PRR16: variants seen among roughly 807,000 people sequenced by gnomAD.
The protein encoded by PRR16 is proline rich 16, also known as protein Largen.
In PRR16, 6 loss-of-function variants were observed where a neutral mutation model predicts 18.2. That is an observed-to-expected ratio of 0.33 (90% CI 0.18 to 0.65). The LOEUF (loss-of-function observed/expected upper bound fraction) is 0.65. Among genes scored for constraint, PRR16 ranks in the 30% least tolerant of loss-of-function variants. PRR16 has a pLI of 0.74. For missense variants in PRR16, 412 were observed against 376.6 expected, an observed-to-expected ratio of 1.09 and a Z score of -0.78; for synonymous variants, 151 against 147.8, an observed-to-expected ratio of 1.02 and a Z score of -0.16.
chr5:120,620,596 T>G (rs988243429), intron 1 of PRR16, among the ~76,000 whole-genome samples: 1 of 152,172 alleles, frequency 6.6e-6, no homozygotes, highest in Non-Finnish European at 1.5e-5. Flanking sequence ...AAATGTTGTC[T>G]GTCAAGGTTC....
intron 1 of PRR16, among the ~76,000 whole-genome samples, chr5:120,588,770 T>C (rs1030292192): frequency 2.6e-4 from 40 of 152,134 alleles, no homozygotes; most frequent in Non-Finnish European, 1.0e-4. Flanking sequence ...TAATTCATCA[T>C]TGAATGTAGA....
intron 1 of PRR16, among the ~76,000 whole-genome samples, chr5:120,631,146 C>A (rs1174803653): frequency 6.6e-6 from 1 of 152,072 alleles, no homozygotes; most frequent in Non-Finnish European, 1.5e-5. Context: ...ATAGAGACAT[C>A]CTTATCATTA....
chr5:120,655,557 A>T (rs1432925123), intron 1 of PRR16, among the ~76,000 whole-genome samples: 1 of 151,820 alleles, frequency 6.6e-6, no homozygotes, highest in Non-Finnish European at 1.5e-5. Flanking sequence ...AACCAAATTT[A>T]GTGCTTCATT....
chr5:120,753,826 A>G, the PRR16 span, among the ~76,000 whole-genome samples: 1 of 135,146 alleles, frequency 7.4e-6, no homozygotes, highest in Non-Finnish European at 1.5e-5. Flanking sequence ...ATATATTTAT[A>G]TATAATATAT....
At chr5:120,658,452 C>T (rs1453267800) in intron 1 of PRR16, 1 of 151,762 alleles carries the variant, frequency 6.6e-6, no homozygotes, top group Admixed American at 6.6e-5. Context: ...CGGAAATACT[C>T]GTGTTCACTA....
At chr5:120,687,830 G>C (rs753118928), downstream of PRR16, among the ~76,000 whole-genome samples, 1 of 152,060 alleles carries the variant, frequency 6.6e-6, no homozygotes, top group Non-Finnish European at 1.5e-5. Flanking sequence ...CTCCTCTTCC[G>C]TCTTATCTAC....
intron 1 of PRR16, among the ~76,000 whole-genome samples, chr5:120,635,072 A>G (rs1032010969): frequency 5.9e-5 from 9 of 152,184 alleles, no homozygotes; most frequent in African/African-American, 2.2e-4. Context: ...CCAGGAAGTT[A>G]TAGACTCTCA....
At chr5:120,540,613 G>C (rs1219227871) in intron 1 of PRR16, among the ~76,000 whole-genome samples, 1 of 152,052 alleles carries the variant, frequency 6.6e-6, no homozygotes, top group Non-Finnish European at 1.5e-5. Context: ...CCTTTGGTCT[G>C]TCCTGACCAA....
chr5:120,754,499 T>TATAATATATAGTATA, the PRR16 span, among the ~76,000 whole-genome samples: 1 of 64,886 alleles, frequency 1.5e-5, no homozygotes, highest in African/African-American at 7.0e-5. Flanking sequence ...AGTATGTATT[T>TATAATATATAGTATA]TATTATGTAT....
chr5:120,606,754 G>C (rs150222053), intron 1 of PRR16, among the ~76,000 whole-genome samples: 97 of 152,122 alleles, frequency 6.4e-4, no homozygotes, highest in African/African-American at 2.2e-3. Context: ...AATGAAAAAA[G>C]AAATCGGTCA....
chr5:120,603,647 G>T (rs554017241), intron 1 of PRR16, among the ~76,000 whole-genome samples: 2 of 151,744 alleles, frequency 1.3e-5, no homozygotes, highest in Non-Finnish European at 2.9e-5. Context: ...TAGGTGTGAT[G>T]TTAGGTTAAC....
rs781581893 is a variant in PRR16, at chr5:120,464,573, G to A, written c.87G>A (p.Gln29=). ...PAASKTKVKE[Q]IKIIVEDLEL... Reference sequence around the variant, plus strand: ...CCTCCAAAACCAAGGTGAAGGAACAGATCAAGATCATCGTGGAGGATTTGG... The same window carrying A: ...CCTCCAAAACCAAGGTGAAGGAACAAATCAAGATCATCGTGGAGGATTTGG... Residue 29 remains glutamine, a synonymous_variant, in exon 1 of 2, where the codon CAG becomes CAA. Coordinates refer to ENST00000407149, the MANE Select transcript of PRR16 (RefSeq NM_001300783.2). The A allele has an allele frequency of 2.5e-6, 4 of 1,588,258 alleles. No individual in the cohort carries two copies. Among genetic ancestry groups the A allele is most frequent in the African/African-American group, 2.7e-5 (2 of 74,808 alleles).
downstream of PRR16, among the ~76,000 whole-genome samples, chr5:120,689,961 C>A (rs1442781013): frequency 1.3e-5 from 2 of 152,046 alleles, no homozygotes; most frequent in Non-Finnish European, 2.9e-5. Context: ...AATACAAGGG[C>A]ATACAAAAAC....
chr5:120,591,718 C>CAT, intron 1 of PRR16, among the ~76,000 whole-genome samples: 1 of 151,982 alleles, frequency 6.6e-6, no homozygotes, highest in East Asian at 1.9e-4. Context: ...CTGTGTTGGA[C>CAT]ATATAAGTAG....
the PRR16 span, among the ~76,000 whole-genome samples, chr5:120,784,557 G>A: frequency 6.6e-6 from 1 of 151,878 alleles, no homozygotes; most frequent in Non-Finnish European, 1.5e-5. Flanking sequence ...AATCTATAAG[G>A]AACTCAATAA....
At chr5:120,506,178 TCTC>T (rs1750640325) in intron 1 of PRR16, among the ~76,000 whole-genome samples, 3 of 152,040 alleles carry the variant, frequency 2.0e-5, no homozygotes, top group Non-Finnish European at 4.4e-5. Context: ...TCACATGAGT[TCTC>T]ATTGAGTTAC....
At chr5:120,479,088 A>T (rs1373934916) in intron 1 of PRR16, among the ~76,000 whole-genome samples, 1 of 152,106 alleles carries the variant, frequency 6.6e-6, no homozygotes, top group Non-Finnish European at 1.5e-5. Context: ...GTGTTCAAAA[A>T]TATGGGTACT....
At chr5:120,675,206 G>T (rs1756754119) in intron 1 of PRR16, among the ~76,000 whole-genome samples, 1 of 152,168 alleles carries the variant, frequency 6.6e-6, no homozygotes. Context: ...TGGATGCTGT[G>T]ACTCCATCTT....
chr5:120,673,597 G>T (rs1229551242), intron 1 of PRR16, among the ~76,000 whole-genome samples: 1 of 152,046 alleles, frequency 6.6e-6, no homozygotes, highest in Non-Finnish European at 1.5e-5. Flanking sequence ...GATATGGGCT[G>T]TCTATATACT....
Sources: gnomAD v4.1 joint callset for allele counts (sites outside exome capture counted in the v4.1 genomes callset) on GRCh38, gnomAD v4.1.1 for gene constraint, MANE v1.5 for transcripts, NCBI Gene and HGNC (gene_info 2026-07-23, HGNC 2026-07-21) for gene names.